PRKCE: variants seen among roughly 807,000 people sequenced by gnomAD.
PRKCE encodes protein kinase C epsilon type.
Under a neutral mutation model 85.4 loss-of-function variants are expected in PRKCE, and 16 were observed. The observed-to-expected ratio is 0.19, with a 90% CI of 0.13 to 0.28. The LOEUF (loss-of-function observed/expected upper bound fraction) is 0.28. Ranked by LOEUF, PRKCE falls within the 10% of genes least tolerant of loss-of-function variation. PRKCE has a pLI of 1.00. For synonymous variants in PRKCE, 388 were observed against 371.5 expected (o/e 1.04, Z -0.51); for missense variants, 573 against 975.2 (o/e 0.59, Z 5.49).
intron 10 of PRKCE, among the ~76,000 whole-genome samples, chr2:46,065,740 T>C (rs1002000916): frequency 6.6e-5 from 10 of 152,196 alleles, no homozygotes; most frequent in Non-Finnish European, 7.3e-5. Flanking sequence ...ATTAAAAAAT[T>C]ATCCTAAAAT....
intron 12 of PRKCE, among the ~76,000 whole-genome samples, chr2:46,147,873 T>C (rs61759983): frequency 0.016 from 2,459 of 152,334 alleles, 68 homozygotes; most frequent in African/African-American, 0.056. Flanking sequence ...GATGACTTGA[T>C]GAAGTCACAA....
At chr2:45,817,502 G>A (rs1011724106) in intron 1 of PRKCE, among the ~76,000 whole-genome samples, 8 of 151,180 alleles carry the variant, frequency 5.3e-5, no homozygotes, top group African/African-American at 1.7e-4. Context: ...GACCATCCTG[G>A]CTAACACGGT....
At chr2:45,924,924 A>T (rs774668178) in intron 2 of PRKCE, among the ~76,000 whole-genome samples, 6 of 152,158 alleles carry the variant, frequency 3.9e-5, no homozygotes, top group Non-Finnish European at 8.8e-5. Context: ...CTTGGTGCTC[A>T]TCAGTGAGCA....
Position 46,187,921 on chromosome 2 carries a change from G to GTACT in PRKCE, c.*3041_*3044dup, listed in dbSNP as rs1439832895. 3 of 152,042 alleles carry GTACT rather than the reference G, an allele frequency of 2.0e-5. No individual in the cohort carries two copies. Among genetic ancestry groups the GTACT allele is most frequent in the Admixed American group, 6.6e-5 (1 of 15,224 alleles). 9.4% of individuals were successfully genotyped at this position (152,042 alleles called of 1,614,324 possible). ...CATTGTAAACGTTATTGTGCCAAAT[G>GTACT]TACTGTATTCAAAAGGATGTGAATG... On this transcript the variant is annotated 3_prime_UTR_variant, in exon 15 of 15. Coordinates refer to ENST00000306156, the MANE Select transcript of PRKCE (RefSeq NM_005400.3).
rs566383083 is a variant in PRKCE, at chr2:45,755,564, A to C, written c.349-87436A>C. Reference sequence around the variant, plus strand: ...GCCTGGCAAATGCCAAACCTCCACTATATTTAGCTCAAATTTCTTATGGCA... The same window carrying C: ...GCCTGGCAAATGCCAAACCTCCACTCTATTTAGCTCAAATTTCTTATGGCA... On this transcript the variant is annotated intron_variant, in intron 1 of 14. Coordinates refer to ENST00000306156, the MANE Select transcript of PRKCE (RefSeq NM_005400.3). Among the ~76,000 whole-genome samples, 9 of 152,212 alleles carry C rather than the reference A, an allele frequency of 5.9e-5. No homozygotes were observed. In the East Asian group the frequency reaches 1.7e-3, roughly 29 times the overall value.
chr2:45,801,041 A>T (rs1298536412), intron 1 of PRKCE, among the ~76,000 whole-genome samples: 1 of 152,134 alleles, frequency 6.6e-6, no homozygotes, highest in Non-Finnish European at 1.5e-5. Flanking sequence ...AGGGCATTCC[A>T]GGCAGGGGGA....
intron 2 of PRKCE, among the ~76,000 whole-genome samples, chr2:45,862,977 T>C (rs1197358355): frequency 6.6e-6 from 1 of 152,222 alleles, no homozygotes; most frequent in Non-Finnish European, 1.5e-5. Context: ...ATCTACTCCC[T>C]GGTGTCTCCA....
At chr2:45,915,620 T>A (rs1697709413) in intron 2 of PRKCE, among the ~76,000 whole-genome samples, 1 of 152,236 alleles carries the variant, frequency 6.6e-6, no homozygotes, top group Non-Finnish European at 1.5e-5. Context: ...ATGTAGATTT[T>A]CAAGTATCTC....
intron 1 of PRKCE, among the ~76,000 whole-genome samples, chr2:45,830,809 T>C (rs765674018): frequency 2.0e-5 from 3 of 152,116 alleles, no homozygotes; most frequent in African/African-American, 4.8e-5. Flanking sequence ...TGATAGATTA[T>C]GATCTTTTTA....
In PRKCE at chr2:45,978,805, T is replaced by G. The variant is rs1276797778; in HGVS notation, c.573-171T>G. 1.3e-5 allele frequency among the ~76,000 whole-genome samples: 2 copies of G among 152,234 alleles called. 1 individual carries two copies. The highest frequency in any genetic ancestry group is 4.8e-5 in the African/African-American group (2 of 41,464). On this transcript the variant is annotated intron_variant, in intron 3 of 14. Transcript: ENST00000306156. ...ACTGGGACTGCCCTCTGTGGGCTTC[T>G]GGAAGGAGACATTTAAGGCACCTTG... is the stretch of plus-strand genomic sequence containing the variant.
chr2:46,029,236 C>T (rs1707343996), intron 10 of PRKCE, among the ~76,000 whole-genome samples: 1 of 152,176 alleles, frequency 6.6e-6, no homozygotes, highest in Admixed American at 6.5e-5. Flanking sequence ...AGAATGACTT[C>T]TCCAACGTCA....
At chr2:46,170,034 C>T (rs1440623685) in intron 14 of PRKCE, among the ~76,000 whole-genome samples, 1 of 152,184 alleles carries the variant, frequency 6.6e-6, no homozygotes, top group Non-Finnish European at 1.5e-5. Flanking sequence ...CATGTGAGAG[C>T]AGGGATTTGC....
At chr2:46,015,970 T>A (rs1401195942) in intron 10 of PRKCE, among the ~76,000 whole-genome samples, 1 of 152,156 alleles carries the variant, frequency 6.6e-6, no homozygotes, top group Non-Finnish European at 1.5e-5. Flanking sequence ...GGAATCAATA[T>A]GCTCGCCAGT....
chr2:45,969,895 C>T (rs1701995228), intron 2 of PRKCE, among the ~76,000 whole-genome samples: 1 of 152,178 alleles, frequency 6.6e-6, no homozygotes, highest in Non-Finnish European at 1.5e-5. Context: ...TGTGGTCTTT[C>T]TTCACCCTCT....
intron 2 of PRKCE, among the ~76,000 whole-genome samples, chr2:45,939,073 G>T (rs1699692084): frequency 6.6e-6 from 1 of 152,206 alleles, no homozygotes; most frequent in Non-Finnish European, 1.5e-5. Flanking sequence ...GGGTGGAGGA[G>T]GTGCCGGGCT....
At position 45,884,986 on chromosome 2, in the gene PRKCE, TATATATATA is replaced by T. The variant is rs1207435513; in HGVS notation, c.412+41924_412+41932del. Among the ~76,000 whole-genome samples, 103 of 87,978 alleles carry T rather than the reference TATATATATA, an allele frequency of 1.2e-3. 7 individuals carry two copies. Among genetic ancestry groups the T allele is most frequent in the Non-Finnish European group, 1.9e-3 (76 of 40,174 alleles). 57.7% of individuals were successfully genotyped at this position (87,978 alleles called of 152,430 possible). ...ATATATATATATATATATATATATA[TATATATATA>T]TATATATTTGTTGTTGTTGTTGTTG... On this transcript the variant is annotated intron_variant, in intron 2 of 14. Coordinates refer to ENST00000306156, the MANE Select transcript of PRKCE (RefSeq NM_005400.3).
intron 1 of PRKCE, among the ~76,000 whole-genome samples, chr2:45,836,026 T>C (rs1473994768): frequency 2.0e-5 from 3 of 152,238 alleles, no homozygotes; most frequent in African/African-American, 7.2e-5. Flanking sequence ...GCTGTGAACA[T>C]TTCTGTATAG....
At chr2:45,759,621 C>G (rs554391096) in intron 1 of PRKCE, among the ~76,000 whole-genome samples, 1 of 152,212 alleles carries the variant, frequency 6.6e-6, no homozygotes, top group Non-Finnish European at 1.5e-5. Flanking sequence ...TAGCTGTAAT[C>G]TGAAATGTCA....
intron 2 of PRKCE, among the ~76,000 whole-genome samples, chr2:45,897,249 C>T (rs565864364): frequency 6.6e-6 from 1 of 152,184 alleles, no homozygotes; most frequent in Non-Finnish European, 1.5e-5. Flanking sequence ...TCTATCGGCC[C>T]GTCCATTCAT....
Sources: allele counts gnomAD v4.1 joint callset (sites outside exome capture counted in the v4.1 genomes callset), GRCh38; gene constraint gnomAD v4.1.1; transcripts MANE v1.5; gene names NCBI Gene and HGNC (gene_info 2026-07-23, HGNC 2026-07-21).